The following SLC47A2 variants were observed in gnomAD, a reference collection of about 807,000 sequenced individuals.
SLC47A2 encodes the protein multidrug and toxin extrusion protein 2.
SLC47A2 carries 52 observed loss-of-function variants against 67.7 expected under a neutral mutation model. The ratio of observed to expected loss-of-function variants is 0.77; its 90% CI spans 0.61 to 0.97. The LOEUF is 0.97. Ranked by LOEUF, SLC47A2 falls within the 50% of genes least tolerant of loss-of-function variation. The pLI is 0.00. For missense variants in SLC47A2, 676 were observed against 712.3 expected, an observed-to-expected ratio of 0.95 and a Z score of 0.58; for synonymous variants, 278 against 292.9, an observed-to-expected ratio of 0.95 and a Z score of 0.52.
chr17:19,714,951 G>GCCT, intron 2 of SLC47A2, 162 bp from the exon 3 acceptor site: 1 of 1,237,476 alleles, frequency 8.1e-7, no homozygotes, highest in South Asian at 1.2e-5. Flanking sequence ...GGGCCAGACC[G>GCCT]CCTCCATCTC....
intron 13 of SLC47A2, among the ~76,000 whole-genome samples, chr17:19,683,962 A>G (rs2085367040): frequency 1.3e-5 from 2 of 152,262 alleles, no homozygotes; most frequent in Admixed American, 6.5e-5. Context: ...CAGGAGTCAC[A>G]GAATCAGTCT....
At chr17:19,716,752 C>T (rs183037055), upstream of SLC47A2, 8 of 757,522 alleles carry the variant, frequency 1.1e-5, no homozygotes, top group East Asian at 2.1e-4. Context: ...GCCAAGCCTA[C>T]TGCCTCAGCC....
chr17:19,683,464 T>C (rs901509201), intron 13 of SLC47A2, among the ~76,000 whole-genome samples: 1 of 152,164 alleles, frequency 6.6e-6, no homozygotes, highest in Non-Finnish European at 1.5e-5. Flanking sequence ...GTGGGCCTGT[T>C]TGGGAGAAGC....
In SLC47A2 at chr17:19,715,096, G is replaced by C. The variant is rs200593823; in HGVS notation, c.225+20C>G. ...CCTGGGGAGAGAACGTCCCTGCTCT[G>C]GGCCAAGCTGGGTACTCACGGCCAC... On this transcript the variant is annotated intron_variant, in intron 2 of 16. Coordinates refer to ENST00000433844, the MANE Select transcript of SLC47A2 (RefSeq NM_001099646.3). 5,327 of 1,608,404 alleles carry C rather than the reference G, an allele frequency of 3.3e-3. 19 individuals are homozygous for C. The highest frequency in any genetic ancestry group is 4.0e-3 in the Non-Finnish European group (4,693 of 1,178,206).
intron 13 of SLC47A2, among the ~76,000 whole-genome samples, chr17:19,697,859 T>C (rs1364061284): frequency 6.6e-6 from 1 of 151,828 alleles, no homozygotes; most frequent in Non-Finnish European, 1.5e-5. Context: ...CCTCCCAAAG[T>C]GATGGTTTTA....
chr17:19,699,340 T>C (rs988771004), intron 13 of SLC47A2, among the ~76,000 whole-genome samples: 5 of 152,164 alleles, frequency 3.3e-5, no homozygotes, highest in African/African-American at 7.2e-5. Flanking sequence ...ATAGAAAATT[T>C]AGGTGAATTT....
intron 13 of SLC47A2, among the ~76,000 whole-genome samples, chr17:19,695,205 G>T (rs1196750076): frequency 6.6e-6 from 1 of 151,968 alleles, no homozygotes; most frequent in Non-Finnish European, 1.5e-5. Flanking sequence ...TTGAAAATTG[G>T]TAATAGTATA....
chr17:19,691,673 C>G (rs957901844), intron 13 of SLC47A2, among the ~76,000 whole-genome samples: 3 of 152,114 alleles, frequency 2.0e-5, no homozygotes, highest in African/African-American at 7.2e-5. Flanking sequence ...TGAATAAGAT[C>G]TAGCATTTGA....
chr17:19,714,854 C>A, intron 2 of SLC47A2, 65 bp from the exon 3 acceptor site: 1 of 1,604,694 alleles, frequency 6.2e-7, no homozygotes, highest in Non-Finnish European at 8.5e-7. Flanking sequence ...GCCCCTGCAT[C>A]TGGGCTGAGC....
At chr17:19,705,688 C>A (rs2085916028) in intron 9 of SLC47A2, among the ~76,000 whole-genome samples, 185 bp from the exon 10 acceptor site, 2 of 152,060 alleles carry the variant, frequency 1.3e-5, no homozygotes, top group South Asian at 4.2e-4. Context: ...CAGCCTCCAC[C>A]TCCTGGCTTA....
In SLC47A2 at chr17:19,716,398, C is replaced by T. The variant is rs776988118; in HGVS notation, c.123+35G>A. 23 of 1,587,532 alleles carry T rather than the reference C, an allele frequency of 1.4e-5. No individual in the cohort carries two copies. The East Asian group carries it at 5.0e-4, about 35-fold the overall frequency. On this transcript the variant is annotated intron_variant, in intron 1 of 16. Coordinates refer to ENST00000433844, the MANE Select transcript of SLC47A2 (RefSeq NM_001099646.3). The stretch of plus-strand genomic sequence containing the variant: ...ACACCCTCAGCCTCTCAGCTTCCTC[C>T]ACTCCCTACCTGCCCCCCAGCTCCT...
chr17:19,679,358 T>C (rs898133186), intron 16 of SLC47A2, among the ~76,000 whole-genome samples: 2 of 152,340 alleles, frequency 1.3e-5, no homozygotes, highest in Admixed American at 6.5e-5. Context: ...TTGGGCCATG[T>C]GCACACACGC....
chr17:19,693,436 G>A (rs904551997), intron 13 of SLC47A2, among the ~76,000 whole-genome samples: 1 of 151,886 alleles, frequency 6.6e-6, no homozygotes, highest in African/African-American at 2.4e-5. Flanking sequence ...CCTTAATAGT[G>A]GAATCAAGGC....
At chr17:19,681,272 C>T in intron 15 of SLC47A2, 95 bp downstream of exon 15, 1 of 1,009,920 alleles carries the variant, frequency 9.9e-7, no homozygotes, top group Non-Finnish European at 1.4e-6. Flanking sequence ...CTGCCAAGTT[C>T]TGATGTGCTC....
intron 4 of SLC47A2, among the ~76,000 whole-genome samples, chr17:19,713,418 TC>T (rs2086158212): frequency 1.3e-5 from 2 of 151,276 alleles, no homozygotes; most frequent in South Asian, 2.1e-4. Context: ...ATAATAATCA[TC>T]ATCATCATCA....
intron 16 of SLC47A2, among the ~76,000 whole-genome samples, chr17:19,679,426 A>C (rs1282167961): frequency 1.3e-5 from 2 of 152,228 alleles, no homozygotes; most frequent in Non-Finnish European, 2.9e-5. Flanking sequence ...TGACATGGAC[A>C]CTGGGCACAA....
chr17:19,684,708 A>G (rs866899437), intron 13 of SLC47A2, among the ~76,000 whole-genome samples: 3 of 151,984 alleles, frequency 2.0e-5, no homozygotes, highest in Admixed American at 6.6e-5. Flanking sequence ...AAAAAAAAAA[A>G]AAATTAAAAG....
chr17:19,703,203 C>T (rs776192992), intron 11 of SLC47A2, 36 bp from the exon 12 acceptor site: 7 of 1,600,550 alleles, frequency 4.4e-6, no homozygotes, highest in South Asian at 2.2e-5. Flanking sequence ...TGACAGACCC[C>T]AAGCCAGGAA....
intron 5 of SLC47A2, among the ~76,000 whole-genome samples, chr17:19,709,936 G>A (rs1403043410): frequency 6.6e-6 from 1 of 152,134 alleles, no homozygotes; most frequent in Non-Finnish European, 1.5e-5. Flanking sequence ...AGCCCTATAA[G>A]GGGGTTTCCG....
Sources: gnomAD v4.1 joint callset for allele counts (sites outside exome capture counted in the v4.1 genomes callset) on GRCh38, gnomAD v4.1.1 for gene constraint, MANE v1.5 for transcripts, NCBI Gene and HGNC (gene_info 2026-07-23, HGNC 2026-07-21) for gene names.